The following TBX1 variants were observed in gnomAD, a reference collection of about 807,000 sequenced individuals.
TBX1 encodes the protein T-box transcription factor TBX1.
TBX1 carries 16 observed loss-of-function variants against 40.8 expected under a neutral mutation model. The ratio of observed to expected loss-of-function variants is 0.39; its 90% CI spans 0.27 to 0.60. The LOEUF (loss-of-function observed/expected upper bound fraction) is 0.60, where lower values mean the gene tolerates loss of function less well. Ranked by LOEUF, TBX1 falls within the 20% of genes least tolerant of loss-of-function variation. The pLI is 0.51. For missense variants in TBX1, 755 were observed against 728.5 expected (o/e 1.04, Z -0.42); for synonymous variants, 403 against 336.8 (o/e 1.20, Z -2.15).
chr22:19,759,541 C>T (rs920286861), upstream of TBX1: 8 of 1,557,576 alleles, frequency 5.1e-6, no homozygotes, highest in African/African-American at 1.4e-5. Flanking sequence ...CGTTCAGCAT[C>T]GCCTCTCTGG....
downstream of TBX1, among the ~76,000 whole-genome samples, chr22:19,768,359 C>T (rs1351046018): frequency 1.3e-5 from 2 of 152,184 alleles, no homozygotes; most frequent in Admixed American, 6.5e-5. Context: ...TTTGCTCTGG[C>T]GGCGTGAAGT....
Position 19,765,140 on chromosome 22 carries a change from C to T in TBX1, c.867+27C>T, listed in dbSNP as rs767629219. On this transcript the variant is annotated intron_variant, in intron 4 of 6. Coordinates refer to ENST00000649276, the MANE Select transcript of TBX1 (RefSeq NM_001379200.1). ...TGAGGGCCTGTGGGGAGGACCTGAG[C>T]GGATTCAACGCCTCTGGAAAAGCGG... is the stretch of plus-strand genomic sequence containing the variant. 16 of 1,613,974 alleles carry T rather than the reference C, an allele frequency of 9.9e-6. No individual in the cohort carries two copies. In the South Asian group the frequency reaches 1.4e-4, roughly 14 times the overall value.
intron 8 of TBX1, among the ~76,000 whole-genome samples, chr22:19,776,717 G>A (rs557452764): frequency 3.3e-5 from 5 of 152,326 alleles, no homozygotes; most frequent in East Asian, 1.9e-4. Flanking sequence ...GCTGGTAGCC[G>A]ACGTCCATGC....
In TBX1 at chr22:19,766,840, C is replaced by T. The variant is rs754795532; in HGVS notation, c.1488C>T (p.Pro496=). 4 of 1,573,514 alleles carry T rather than the reference C, an allele frequency of 2.5e-6. No individual in the cohort carries two copies. The East Asian group carries it at 9.5e-5, about 38-fold the overall frequency. ...NMYSSAGAAP[P]GSYDYCPR ...ACTCGTCGGCCGGAGCCGCGCCGCC[C>T]GGCTCCTACGACTATTGCCCCAGAT... is the stretch of plus-strand genomic sequence containing the variant. The change falls in exon 7 of 7, where the codon CCC becomes CCT. Residue 496 remains proline, a synonymous_variant. Transcript: ENST00000649276.
chr22:19,757,120 G>T (rs1228026337), upstream of TBX1, among the ~76,000 whole-genome samples: 1 of 152,182 alleles, frequency 6.6e-6, no homozygotes, highest in Admixed American at 6.5e-5. Flanking sequence ...CCGGGGGTCC[G>T]AAATCAAGCG....
downstream of TBX1, among the ~76,000 whole-genome samples, chr22:19,780,777 T>TTTG (rs1937133193): frequency 1.8e-5 from 1 of 56,852 alleles, no homozygotes; most frequent in African/African-American, 8.3e-5. Context: ...TTGTTTTCTG[T>TTTG]TTTTTTTTTT....
chr22:19,767,571 C>T (rs982650631), downstream of TBX1, among the ~76,000 whole-genome samples: 3 of 152,204 alleles, frequency 2.0e-5, no homozygotes, highest in African/African-American at 7.2e-5. Context: ...CCTGTGCACT[C>T]CCCCCACCTT....
At chr22:19,768,953 C>CTTTTTTTTTTTTTTTTTTTTTTT (rs36085623), downstream of TBX1, among the ~76,000 whole-genome samples, 53 of 66,124 alleles carry the variant, frequency 8.0e-4, 9 homozygotes, top group Admixed American at 1.7e-3. Context: ...TGTTCGCATT[C>CTTTTTTTTTTTTTTTTTTTTTTT]TTTTTTTTTT....
chr22:19,758,191 G>A (rs557630073), upstream of TBX1, among the ~76,000 whole-genome samples: 8 of 152,186 alleles, frequency 5.3e-5, no homozygotes, highest in Non-Finnish European at 1.2e-4. Context: ...TAAAAACCCT[G>A]GGAGAGGTTG....
chr22:19,761,367 C>T, intron 1 of TBX1, 87 bp downstream of exon 1: 1 of 1,354,520 alleles, frequency 7.4e-7, no homozygotes. Flanking sequence ...CGAGCGGGGC[C>T]GAAAGCCGGG....
chr22:19,758,547 T>C (rs1467788139), upstream of TBX1, among the ~76,000 whole-genome samples: 1 of 152,122 alleles, frequency 6.6e-6, no homozygotes, highest in African/African-American at 2.4e-5. Flanking sequence ...GGTCGGGCCA[T>C]AGAGCTTCTC....
At chr22:19,770,025 A>G (rs527243747), downstream of TBX1, among the ~76,000 whole-genome samples, 7 of 152,276 alleles carry the variant, frequency 4.6e-5, no homozygotes, top group African/African-American at 1.7e-4. Flanking sequence ...AGTATGGTGT[A>G]GGGGATAGGG....
intron 2 of TBX1, chr22:19,763,734 G>A: frequency 2.5e-6 from 1 of 402,700 alleles, no homozygotes; most frequent in East Asian, 5.1e-5. Context: ...AGGTGGGGTG[G>A]CCAGGAGAGA....
At chr22:19,764,843 C>T in intron 3 of TBX1, 115 bp from the exon 4 acceptor site, 1 of 1,318,396 alleles carries the variant, frequency 7.6e-7, no homozygotes, top group Non-Finnish European at 1.1e-6. Context: ...AGGGTTTTGC[C>T]CAACTCATCC....
upstream of TBX1, among the ~76,000 whole-genome samples, chr22:19,757,186 G>A (rs1936506304): frequency 6.6e-6 from 1 of 152,176 alleles, no homozygotes; most frequent in African/African-American, 2.4e-5. Context: ...GCTGGGTGGG[G>A]CCCCTCACCT....
At position 19,766,485 on chromosome 22, in the gene TBX1, T is replaced by C; in HGVS notation, c.1133T>C (p.Leu378Pro). 1.2e-5 allele frequency: 16 copies of C among 1,318,686 alleles called. No individual in the cohort carries two copies. The highest frequency in any genetic ancestry group is 1.6e-5 in the Non-Finnish European group (16 of 1,030,580). 81.7% of individuals were successfully genotyped at this position (1,318,686 alleles called of 1,614,324 possible). A position where few individuals can be genotyped will look rare whatever the true frequency, so the allele number is the denominator to read the frequency against. ...AHPPQLLARV[L>P]SPSLPGAGGA... ...CCTCCGCAGCTGCTGGCCCGGGTGC[T>C]AAGCCCCTCGCTGCCCGGGGCCGGC... Residue 378 changes from leucine (L) to proline (P), a missense_variant, in exon 7 of 7, where the codon CTA (leucine) becomes CCA (proline). By Grantham distance (98) the Leu-to-Pro change is moderately conservative. This residue lies in a region of TBX1 where 412 missense variants were observed against 317.6 expected (regional missense o/e 1.30). Coordinates refer to ENST00000649276, the MANE Select transcript of TBX1 (RefSeq NM_001379200.1).
chr22:19,770,411 C>G (rs528349325), downstream of TBX1, among the ~76,000 whole-genome samples: 5 of 152,218 alleles, frequency 3.3e-5, no homozygotes, highest in African/African-American at 9.7e-5. Context: ...AAGACCCCCC[C>G]ACGGCTGCCC....
intron 2 of TBX1, among the ~76,000 whole-genome samples, chr22:19,763,857 G>C (rs1039248330): frequency 1.3e-5 from 2 of 152,156 alleles, no homozygotes; most frequent in African/African-American, 4.8e-5. Flanking sequence ...CCACCGCAGC[G>C]GCACCGGGGC....
At chr22:19,765,198 G>C (rs2094880183) in intron 4 of TBX1, 85 bp downstream of exon 4, 4 of 1,592,546 alleles carry the variant, frequency 2.5e-6, no homozygotes, top group Non-Finnish European at 3.4e-6. Context: ...GGGGACAGTG[G>C]GTCCGCTTAG....
Sources: gnomAD v4.1 joint callset for allele counts (sites outside exome capture counted in the v4.1 genomes callset) on GRCh38, gnomAD v4.1.1 for gene constraint, gnomAD v4.1.1 regional missense constraint, MANE v1.5 for transcripts, NCBI Gene and HGNC (gene_info 2026-07-23, HGNC 2026-07-21) for gene names.